The following DIAPH1 variants were observed in gnomAD, a reference collection of about 807,000 sequenced individuals.
The protein encoded by DIAPH1 is protein diaphanous homolog 1.
Under a neutral mutation model 140.7 loss-of-function variants are expected in DIAPH1, and 46 were observed. That is an observed-to-expected ratio of 0.33 (90% CI 0.26 to 0.42). The LOEUF is 0.42. Ranked by LOEUF, DIAPH1 falls within the 10% of genes least tolerant of loss-of-function variation. The pLI is 1.00. For synonymous variants in DIAPH1, 565 were observed against 551.6 expected (o/e 1.02, Z -0.34); for missense variants, 1,310 against 1,558.7 (o/e 0.84, Z 2.69).
intron 18 of DIAPH1, among the ~76,000 whole-genome samples, chr5:141,547,178 T>A (rs2099890939): frequency 6.6e-6 from 1 of 152,222 alleles, no homozygotes; most frequent in Non-Finnish European, 1.5e-5. Context: ...AATTTACTTT[T>A]AAAAAATCTA....
Position 141,527,645 on chromosome 5 carries a change from A to G in DIAPH1, c.3201T>C (p.Ser1067=). 1 of 1,610,766 alleles carries G rather than the reference A, an allele frequency of 6.2e-7. No individual in the cohort carries two copies. The change falls in exon 24 of 28, where the codon TCT becomes TCC. Residue 1067 remains serine (S), a synonymous_variant. Coordinates refer to ENST00000389054, the MANE Select transcript of DIAPH1 (RefSeq NM_005219.5). ...AATTCTGAACATCACGTTCCACATC[A>G]GAAATTTGTTTCTTCATCTGATCTA... ...KNLDQMKKQI[S]DVERDVQNFP...
chr5:141,577,799 G>C (rs573651690), intron 11 of DIAPH1, among the ~76,000 whole-genome samples: 2 of 152,202 alleles, frequency 1.3e-5, no homozygotes, highest in Non-Finnish European at 2.9e-5. Flanking sequence ...TATACACACA[G>C]AGGATTCCTA....
intron 18 of DIAPH1, among the ~76,000 whole-genome samples, chr5:141,537,329 CA>C (rs2099889184): frequency 6.8e-6 from 1 of 147,704 alleles, no homozygotes; most frequent in Non-Finnish European, 1.5e-5. Flanking sequence ...ACTAAAAATA[CA>C]AAATTAGCCG....
intron 27 of DIAPH1, among the ~76,000 whole-genome samples, chr5:141,519,753 G>A (rs1030992304): frequency 6.6e-6 from 1 of 152,208 alleles, no homozygotes; most frequent in Non-Finnish European, 1.5e-5. Context: ...GAAAGCTCTT[G>A]TTGGAACAGG....
chr5:141,550,933 T>C (rs1205943598), intron 18 of DIAPH1, among the ~76,000 whole-genome samples: 2 of 152,248 alleles, frequency 1.3e-5, no homozygotes, highest in African/African-American at 2.4e-5. Flanking sequence ...TGGGGGTCTA[T>C]AATGCCCTTG....
chr5:141,536,128 T>C (rs969931666), intron 18 of DIAPH1: 7 of 407,296 alleles, frequency 1.7e-5, no homozygotes, highest in African/African-American at 1.3e-4. Flanking sequence ...GGCAAAACCC[T>C]GTCTCTATAA....
chr5:141,618,044 T>C (rs1391116700), intron 1 of DIAPH1, among the ~76,000 whole-genome samples: 2 of 152,222 alleles, frequency 1.3e-5, no homozygotes, highest in Non-Finnish European at 2.9e-5. Flanking sequence ...TTTATCACCA[T>C]CCTAGGTCAA....
At chr5:141,528,103 T>G (rs2154594986) in intron 23 of DIAPH1, among the ~76,000 whole-genome samples, 1 of 152,324 alleles carries the variant, frequency 6.6e-6, no homozygotes, top group East Asian at 1.9e-4. Flanking sequence ...CAGTGAATGC[T>G]GCTTTTTCTT....
chr5:141,570,656 A>C (rs957097532), intron 18 of DIAPH1, among the ~76,000 whole-genome samples: 63 of 152,206 alleles, frequency 4.1e-4, no homozygotes, highest in African/African-American at 1.5e-3. Flanking sequence ...GGAGGTGGGG[A>C]AAATAAATGC....
chr5:141,522,609 C>T (rs1264555226), intron 27 of DIAPH1, among the ~76,000 whole-genome samples: 1 of 149,394 alleles, frequency 6.7e-6, no homozygotes, highest in East Asian at 2.0e-4. Context: ...CAATAAGATG[C>T]AATGTATTTT....
chr5:141,541,577 C>A (rs1366563296), intron 18 of DIAPH1, among the ~76,000 whole-genome samples: 3 of 150,396 alleles, frequency 2.0e-5, no homozygotes, highest in African/African-American at 7.3e-5. Flanking sequence ...CCCAGGTACT[C>A]GGGAGGCTGA....
intron 1 of DIAPH1, among the ~76,000 whole-genome samples, chr5:141,604,598 AG>A (rs1379184905): frequency 6.6e-6 from 1 of 152,234 alleles, no homozygotes; most frequent in Non-Finnish European, 1.5e-5. Context: ...AGCAGACAGC[AG>A]GAAGTTTCTG....
chr5:141,612,845 C>T (rs2099902059), intron 1 of DIAPH1, among the ~76,000 whole-genome samples: 1 of 152,168 alleles, frequency 6.6e-6, no homozygotes, highest in Admixed American at 6.5e-5. Context: ...AAATAAAACA[C>T]AGACAGATCT....
At chr5:141,598,702 CAACA>C (rs2099899696) in intron 1 of DIAPH1, among the ~76,000 whole-genome samples, 4 of 151,872 alleles carry the variant, frequency 2.6e-5, no homozygotes. Flanking sequence ...ACAACAACAA[CAACA>C]AAAAAGTCAA....
intron 1 of DIAPH1, among the ~76,000 whole-genome samples, chr5:141,596,930 T>A (rs981720577): frequency 5.3e-5 from 8 of 152,158 alleles, no homozygotes; most frequent in Non-Finnish European, 1.5e-5. Flanking sequence ...AAATCATTAA[T>A]ATCCACAACA....
chr5:141,562,606 C>CAAAAAAAACAAAACAA (rs2099893740), intron 18 of DIAPH1, among the ~76,000 whole-genome samples: 1 of 76,832 alleles, frequency 1.3e-5, no homozygotes, highest in Non-Finnish European at 2.7e-5. Context: ...CTTACCTATG[C>CAAAAAAAACAAAACAA]AAAAAAAAAA....
intron 27 of DIAPH1, among the ~76,000 whole-genome samples, chr5:141,521,743 G>C (rs2099886571): frequency 6.6e-6 from 1 of 152,146 alleles, no homozygotes; most frequent in Non-Finnish European, 1.5e-5. Flanking sequence ...GCCAGGCAAG[G>C]GGTGGAACAG....
At position 141,578,174 on chromosome 5, in the gene DIAPH1, T is replaced by C; in HGVS notation, c.1163+51A>G. 4 of 1,350,052 alleles carry C rather than the reference T, an allele frequency of 3.0e-6. No individual in the cohort carries two copies. In the East Asian group the frequency reaches 9.2e-5, roughly 31 times the overall value. The allele number at this position is 1,350,052 out of a possible 1,614,324, so 83.6% of individuals were successfully genotyped here. On this transcript the variant is annotated intron_variant, in intron 11 of 27. Transcript: ENST00000389054. The stretch of plus-strand genomic sequence containing the variant: ...CCATTCCACACAGGGATCAGGGAAC[T>C]AAATACAATGAATGTCTCATCTGCC...
chr5:141,596,089 G>A (rs944181211), intron 1 of DIAPH1, among the ~76,000 whole-genome samples: 5 of 152,304 alleles, frequency 3.3e-5, no homozygotes, highest in African/African-American at 1.2e-4. Context: ...CAGCACTTTG[G>A]GAGGCTGAGG....
Sources: gnomAD v4.1 joint callset for allele counts (sites outside exome capture counted in the v4.1 genomes callset) on GRCh38, gnomAD v4.1.1 for gene constraint, MANE v1.5 for transcripts, NCBI Gene and HGNC (gene_info 2026-07-23, HGNC 2026-07-21) for gene names.